CYLD: variants seen among roughly 807,000 people sequenced by gnomAD.
CYLD encodes ubiquitin carboxyl-terminal hydrolase CYLD.
CYLD carries 26 observed loss-of-function variants against 104.5 expected under a neutral mutation model. The observed-to-expected ratio is 0.25, with a 90% confidence interval of 0.18 to 0.35. The LOEUF is 0.35. Ranked by LOEUF, CYLD falls within the 10% of genes least tolerant of loss-of-function variation. The probability of loss-of-function intolerance (pLI) is 1.00; values close to 1 mark genes in which losing one functional copy is unlikely to be tolerated. For missense variants in CYLD, 703 were observed against 1,136.1 expected (o/e 0.62, Z 5.48); for synonymous variants, 385 against 399.9 (o/e 0.96, Z 0.45).
intron 10 of CYLD, 49 bp from the exon 11 acceptor site, chr16:50,782,276 A>G (rs1231585090): frequency 1.5e-6 from 2 of 1,334,328 alleles, no homozygotes; most frequent in African/African-American, 3.0e-5. Flanking sequence ...ATATTGTAAT[A>G]GTTTAAAAGA....
intron 2 of CYLD, 27 bp downstream of exon 2, chr16:50,742,868 A>T: frequency 8.5e-6 from 1 of 118,046 alleles, no homozygotes; most frequent in Non-Finnish European, 1.5e-5. Flanking sequence ...TTTTTCTTTC[A>T]TGTTAACAAT....
intron 1 of CYLD, chr16:50,742,447 G>A (rs1965774625): frequency 8.5e-6 from 2 of 234,896 alleles, no homozygotes; most frequent in Non-Finnish European, 1.6e-5. Context: ...CTTCCCGGGA[G>A]GGCTGCGAGT....
intron 12 of CYLD, 115 bp from the exon 13 acceptor site, chr16:50,786,740 T>G: frequency 1.3e-6 from 1 of 757,254 alleles, no homozygotes; most frequent in Non-Finnish European, 2.2e-6. Flanking sequence ...CCAGCCTGAG[T>G]GATAGAGTGA....
At chr16:50,785,021 A>G (rs560645835) in intron 12 of CYLD, 1 of 154,186 alleles carries the variant, frequency 6.5e-6, no homozygotes, top group South Asian at 2.0e-4. Context: ...TAGGAATTAT[A>G]AATATGTCTT....
intron 11 of CYLD, chr16:50,783,948 C>T (rs1306164851): frequency 2.2e-5 from 6 of 278,792 alleles, no homozygotes; most frequent in South Asian, 7.5e-5. Context: ...GTGCTTGCCT[C>T]GGGAAGTCGT....
chr16:50,787,939 T>A, intron 14 of CYLD, 87 bp downstream of exon 14: 1 of 805,504 alleles, frequency 1.2e-6, no homozygotes, highest in South Asian at 1.6e-5. Flanking sequence ...ATTTCCAGAA[T>A]GATTTCTTAA....
intron 5 of CYLD, among the ~76,000 whole-genome samples, chr16:50,773,308 A>G (rs1969340750): frequency 6.6e-6 from 1 of 152,232 alleles, no homozygotes; most frequent in Admixed American, 6.5e-5. Context: ...TTAAATCAAC[A>G]AGTGATGGAT....
intron 3 of CYLD, among the ~76,000 whole-genome samples, chr16:50,751,085 A>G (rs551337378): frequency 2.8e-4 from 42 of 152,314 alleles, no homozygotes; most frequent in Non-Finnish European, 5.1e-4. Context: ...GTGATTGTAA[A>G]CAATTAGGAA....
rs1043464456 is a variant in CYLD at position 50,794,766 on chromosome 16, A to G, written c.2686+338A>G. The G allele has an allele frequency of 8.9e-5, 32 of 359,372 alleles. No individual in the cohort carries two copies. Among genetic ancestry groups the G allele is most frequent in the Non-Finnish European group, 1.6e-4 (29 of 186,290 alleles). 22.3% of individuals were successfully genotyped at this position (359,372 alleles called of 1,614,324 possible). A position where few individuals can be genotyped will look rare whatever the true frequency, so the allele number is the denominator to read the frequency against. On this transcript the variant is annotated intron_variant, in intron 18 of 18. Coordinates refer to ENST00000427738, the MANE Select transcript of CYLD (RefSeq NM_001378743.1). The surrounding 1 kb of genome is among the most constrained non-coding windows in gnomAD (Gnocchi z 4.1). ...CTCCTGAGTAGCTGGGACTACACGC[A>G]TATGCCACCATGCCTGGCTAATTTT...
intron 12 of CYLD, chr16:50,786,542 T>A: frequency 3.5e-6 from 1 of 281,752 alleles, no homozygotes; most frequent in Non-Finnish European, 6.8e-6. Flanking sequence ...GGCGGATCAC[T>A]TGAGGCCAGG....
chr16:50,783,145 T>C (rs141285787), intron 11 of CYLD, among the ~76,000 whole-genome samples: 3,245 of 152,238 alleles, frequency 0.021, 46 homozygotes, highest in Non-Finnish European at 0.033. Context: ...TTGGCCAGGC[T>C]GGTCTCGAAC....
chr16:50,797,868 A>C lies in CYLD; in HGVS notation c.*1360A>C, dbSNP rs1300154790. On this transcript the variant is annotated 3_prime_UTR_variant, in exon 19 of 19. Transcript: ENST00000427738. ...TTTGGTTTTATCATTCCATTTTGCT[A>C]ATATTTACTAGCTTTATAAATTACA... 1 of 232,402 alleles carries C rather than the reference A, an allele frequency of 4.3e-6. No homozygotes were observed. The highest frequency in any genetic ancestry group is 6.1e-5 in the East Asian group (1 of 16,462). The allele number at this position is 232,402 out of a possible 1,614,324, so 14.4% of individuals were successfully genotyped here.
chr16:50,787,485 T>C (rs1403534441), intron 13 of CYLD: 1 of 336,704 alleles, frequency 3.0e-6, no homozygotes, highest in Non-Finnish European at 5.5e-6. Flanking sequence ...CTTCAGATTG[T>C]ACTCCATTTA....
At chr16:50,770,123 G>A (rs1389173775) in intron 5 of CYLD, among the ~76,000 whole-genome samples, 1 of 152,096 alleles carries the variant, frequency 6.6e-6, no homozygotes, top group Non-Finnish European at 1.5e-5. Context: ...TTTGTGTGTA[G>A]TTTCCTGAGT....
chr16:50,801,171 G>A lies in CYLD; in HGVS notation c.*4663G>A, dbSNP rs1463807001. 1 of 233,442 alleles carries A rather than the reference G, an allele frequency of 4.3e-6. No individual in the cohort carries two copies. Among genetic ancestry groups the A allele is most frequent in the Middle Eastern group, 1.3e-3 (1 of 788 alleles). 14.5% of individuals were successfully genotyped at this position (233,442 alleles called of 1,614,324 possible). On this transcript the variant is annotated 3_prime_UTR_variant, in exon 19 of 19. Transcript: ENST00000427738. ...ATTCTGAATCCTGGAGCAGCTGAAG[G>A]TTTTCTCTTGAGTCAGGATGCAGTG...
At chr16:50,795,605 A>C (rs1971956220) in intron 18 of CYLD, 5 of 702,968 alleles carry the variant, frequency 7.1e-6, no homozygotes, top group Non-Finnish European at 1.3e-5. Context: ...GTAGCCTAAG[A>C]CATTCCCTGT....
In CYLD at chr16:50,755,046, T is replaced by C. The variant is rs1261420821; in HGVS notation, c.913+622T>C. The stretch of plus-strand genomic sequence containing the variant: ...ATACATATATATGTATATATACATA[T>C]ATATGTATATATACATATAGATATG... On this transcript the variant is annotated intron_variant, in intron 5 of 18. Coordinates refer to ENST00000427738, the MANE Select transcript of CYLD (RefSeq NM_001378743.1). 5.3e-3 allele frequency among the ~76,000 whole-genome samples: 178 copies of C among 33,752 alleles called. 31 individuals are homozygous for C. Among genetic ancestry groups the C allele is most frequent in the Non-Finnish European group, 5.4e-3 (98 of 18,284 alleles). 22.1% of individuals were successfully genotyped at this position (33,752 alleles called of 152,430 possible). A position where few individuals can be genotyped will look rare whatever the true frequency, so the allele number is the denominator to read the frequency against.
chr16:50,742,961 G>T, intron 2 of CYLD, 120 bp downstream of exon 2: 1 of 396,566 alleles, frequency 2.5e-6, no homozygotes, highest in East Asian at 3.6e-5. Flanking sequence ...TACTCAGCTG[G>T]GTCAGCTGCC....
intron 3 of CYLD, 141 bp downstream of exon 3, chr16:50,750,343 C>A: frequency 1.0e-6 from 1 of 991,958 alleles, no homozygotes; most frequent in Non-Finnish European, 1.6e-6. Context: ...TATTCATCAT[C>A]CTTGCTGATG....
Sources: allele counts gnomAD v4.1 joint callset (sites outside exome capture counted in the v4.1 genomes callset), GRCh38; gene constraint gnomAD v4.1.1; non-coding constraint Gnocchi (gnomAD v3.1); transcripts MANE v1.5; gene names NCBI Gene and HGNC (gene_info 2026-07-23, HGNC 2026-07-21).